The following TTC27 variants were observed in gnomAD, a reference collection of about 807,000 sequenced individuals.
TTC27 encodes the protein tetratricopeptide repeat domain 27, also known as tetratricopeptide repeat protein 27.
In TTC27, 79 loss-of-function variants were observed where a neutral mutation model predicts 115.9. That is an observed-to-expected ratio of 0.68 (90% CI 0.57 to 0.82). The LOEUF (loss-of-function observed/expected upper bound fraction) is 0.82, where lower values mean the gene tolerates loss of function less well. Ranked by LOEUF, TTC27 falls within the 40% of genes least tolerant of loss-of-function variation. TTC27 has a pLI of 0.00. For missense variants in TTC27, 1,054 were observed against 993.1 expected (o/e 1.06, Z -0.82); for synonymous variants, 401 against 356.0 (o/e 1.13, Z -1.42).
At chr2:32,819,094 T>C (rs1206538610) in intron 19 of TTC27, among the ~76,000 whole-genome samples, 1 of 152,246 alleles carries the variant, frequency 6.6e-6, no homozygotes, top group Non-Finnish European at 1.5e-5. Flanking sequence ...CAAAGTAGTT[T>C]ACTTCTACTA....
chr2:32,814,421 C>G (rs373094945), intron 18 of TTC27, among the ~76,000 whole-genome samples: 2 of 152,166 alleles, frequency 1.3e-5, no homozygotes, highest in Non-Finnish European at 2.9e-5. Flanking sequence ...GCCCAGCTTT[C>G]GTTTCTGATG....
intron 10 of TTC27, among the ~76,000 whole-genome samples, chr2:32,729,562 C>T (rs1206742998): frequency 9.9e-5 from 15 of 152,008 alleles, no homozygotes; most frequent in African/African-American, 1.5e-4. Context: ...TGTCTTTAGG[C>T]GGAGTTAGGG....
At chr2:32,656,159 G>C (rs1227672637) in intron 5 of TTC27, among the ~76,000 whole-genome samples, 2 of 151,854 alleles carry the variant, frequency 1.3e-5, no homozygotes, top group South Asian at 2.1e-4. Flanking sequence ...TCTATCTCCT[G>C]CTGAGTTTGA....
intron 12 of TTC27, among the ~76,000 whole-genome samples, chr2:32,741,433 A>C (rs1354987297): frequency 6.6e-6 from 1 of 151,900 alleles, no homozygotes; most frequent in African/African-American, 2.4e-5. Context: ...CACGAGGTCA[A>C]GAGATGGAGG....
intron 11 of TTC27, among the ~76,000 whole-genome samples, 178 bp from the exon 12 acceptor site, chr2:32,736,516 T>C (rs1296090648): frequency 2.6e-5 from 4 of 152,228 alleles, no homozygotes; most frequent in Non-Finnish European, 5.9e-5. Flanking sequence ...AGGCTTGTTT[T>C]CTAAAGTAAA....
At chr2:32,657,555 A>G (rs1036380431) in intron 5 of TTC27, among the ~76,000 whole-genome samples, 2 of 151,700 alleles carry the variant, frequency 1.3e-5, no homozygotes, top group Non-Finnish European at 2.9e-5. Context: ...AGTTTCACCG[A>G]AACACTTTCT....
intron 16 of TTC27, among the ~76,000 whole-genome samples, chr2:32,807,342 C>G (rs1053723268): frequency 6.6e-6 from 1 of 151,954 alleles, no homozygotes; most frequent in Non-Finnish European, 1.5e-5. Context: ...AATCCTTCTC[C>G]CAAAAAAGGA....
At position 32,642,768 on chromosome 2, in the gene TTC27, A is replaced by T. The variant is rs192237537; in HGVS notation, c.537+2358A>T. ...CTGCAACCTCCACCTCCTGGGCTGAAGCCATCCTCCCACCTCAGCCTCCCA... is the reference window on the plus strand; with the variant it reads ...CTGCAACCTCCACCTCCTGGGCTGATGCCATCCTCCCACCTCAGCCTCCCA... On this transcript the variant is annotated intron_variant, in intron 4 of 19. Coordinates refer to ENST00000317907, the MANE Select transcript of TTC27 (RefSeq NM_017735.5). Among the ~76,000 whole-genome samples the T allele has an allele frequency of 2.3e-3, 347 of 151,612 alleles. 1 individual carries two copies. The highest frequency in any genetic ancestry group is 3.7e-3 in the Non-Finnish European group (249 of 67,890).
intron 3 of TTC27, among the ~76,000 whole-genome samples, chr2:32,634,950 C>T (rs1365036874): frequency 1.3e-5 from 2 of 152,182 alleles, no homozygotes; most frequent in East Asian, 1.9e-4. Context: ...AGCCACCATT[C>T]CCGGCTTGCA....
At chr2:32,757,591 ATC>A (rs1288462288) in intron 12 of TTC27, among the ~76,000 whole-genome samples, 2 of 152,152 alleles carry the variant, frequency 1.3e-5, no homozygotes, top group Non-Finnish European at 2.9e-5. Flanking sequence ...CTTACTTCAT[ATC>A]TCTGTGTTAG....
At chr2:32,786,362 C>T (rs1369419462) in intron 15 of TTC27, among the ~76,000 whole-genome samples, 7 of 152,054 alleles carry the variant, frequency 4.6e-5, no homozygotes, top group African/African-American at 1.7e-4. Flanking sequence ...TGGTCTCGAA[C>T]TCCTGACCTC....
At chr2:32,797,294 C>T (rs998471527) in intron 16 of TTC27, among the ~76,000 whole-genome samples, 3 of 152,070 alleles carry the variant, frequency 2.0e-5, no homozygotes, top group Admixed American at 2.0e-4. Flanking sequence ...GCCCTCCTGC[C>T]TCAGCTTCCT....
chr2:32,680,475 G>T (rs1372919515), intron 9 of TTC27, among the ~76,000 whole-genome samples: 2 of 152,094 alleles, frequency 1.3e-5, no homozygotes, highest in South Asian at 2.1e-4. Context: ...TATAAAGCAG[G>T]TTAAGAGACT....
At chr2:32,703,383 C>T (rs1667257649) in intron 10 of TTC27, among the ~76,000 whole-genome samples, 1 of 152,156 alleles carries the variant, frequency 6.6e-6, no homozygotes, top group Non-Finnish European at 1.5e-5. Flanking sequence ...AGGAGAATCG[C>T]TTGAACCCTG....
At chr2:32,801,153 T>C (rs2148036219) in intron 16 of TTC27, among the ~76,000 whole-genome samples, 1 of 152,306 alleles carries the variant, frequency 6.6e-6, no homozygotes, top group East Asian at 1.9e-4. Context: ...AGAGTTTTTC[T>C]CAGTGTTTTA....
chr2:32,700,366 C>T lies in TTC27; in HGVS notation c.1120-2441C>T, dbSNP rs72860832. 8.8e-3 allele frequency among the ~76,000 whole-genome samples: 1,339 copies of T among 152,138 alleles called. 13 individuals are homozygous for T. Among genetic ancestry groups the T allele is most frequent in the African/African-American group, 0.031 (1,268 of 41,504 alleles). On this transcript the variant is annotated intron_variant, in intron 9 of 19. Transcript: ENST00000317907. ...TCAATCTTTCACTCTGCAGACTTTT[C>T]CCACTGTTTTACAGAGCCTTTTCCT...
intron 17 of TTC27, among the ~76,000 whole-genome samples, chr2:32,812,005 T>C (rs985772289): frequency 1.3e-5 from 2 of 152,182 alleles, no homozygotes; most frequent in Non-Finnish European, 2.9e-5. Context: ...CCTACTTTCA[T>C]GTCCTTCCAT....
At chr2:32,629,138 G>A (rs1034874233) in intron 1 of TTC27, among the ~76,000 whole-genome samples, 1 of 150,506 alleles carries the variant, frequency 6.6e-6, no homozygotes, top group Non-Finnish European at 1.5e-5. Context: ...GTTTTTTTGG[G>A]GGGATGGAGT....
In TTC27 at chr2:32,758,444, C is replaced by T. The variant is rs1239443867; in HGVS notation, c.1605C>T (p.Leu535=). The T allele has an allele frequency of 8.7e-6, 14 of 1,614,160 alleles. No individual in the cohort carries two copies. The highest frequency in any genetic ancestry group is 4.4e-5 in the South Asian group (4 of 91,088). The change falls in exon 13 of 20, where the codon CTC becomes CTT. Residue 535 remains leucine (L), a synonymous_variant. Coordinates refer to ENST00000317907, the MANE Select transcript of TTC27 (RefSeq NM_017735.5). ...CTCGTGCTCAGCGCTCCAAAGCCCT[C>T]CTTCATCTTCGGAACAAGGAGTTTC... is the stretch of plus-strand genomic sequence containing the variant. ...RSARAQRSKA[L]LHLRNKEFQE...
Sources: gnomAD v4.1 joint callset for allele counts (sites outside exome capture counted in the v4.1 genomes callset) on GRCh38, gnomAD v4.1.1 for gene constraint, MANE v1.5 for transcripts, NCBI Gene and HGNC (gene_info 2026-07-23, HGNC 2026-07-21) for gene names.